The following MTUS2 variants were observed in gnomAD, a reference collection of about 807,000 sequenced individuals.
MTUS2 encodes microtubule-associated tumor suppressor candidate 2.
MTUS2 carries 40 observed loss-of-function variants against 114.1 expected under a neutral mutation model. The observed-to-expected ratio is 0.35, with a 90% CI of 0.27 to 0.46. The LOEUF (loss-of-function observed/expected upper bound fraction) is 0.46. Among genes scored for constraint, MTUS2 ranks in the 20% least tolerant of loss-of-function variants. The pLI, the probability that MTUS2 is intolerant of heterozygous loss-of-function variation, is 1.00. For missense variants in MTUS2, 1,679 were observed against 1,705.4 expected, an observed-to-expected ratio of 0.98 and a Z score of 0.27; for synonymous variants, 688 against 672.0, an observed-to-expected ratio of 1.02 and a Z score of -0.37.
chr13:29,213,756 G>T (rs1895553991), intron 5 of MTUS2, among the ~76,000 whole-genome samples: 1 of 151,896 alleles, frequency 6.6e-6, no homozygotes, highest in Non-Finnish European at 1.5e-5. Flanking sequence ...TATATAATTA[G>T]ATCTTATATT....
At position 29,200,616 on chromosome 13, in the gene MTUS2, G is replaced by A. The variant is rs868608004; in HGVS notation, c.2645-81088G>A. Among the ~76,000 whole-genome samples, 15 of 138,322 alleles carry A rather than the reference G, an allele frequency of 1.1e-4. 1 individual carries two copies. Among genetic ancestry groups the A allele is most frequent in the Admixed American group, 8.9e-4 (11 of 12,326 alleles). The allele number at this position is 138,322 out of a possible 152,430, so 90.7% of individuals were successfully genotyped here. ...GCTCACTGCACCCTCCATTTCCTGG[G>A]TTCAAGCGATTCTTCTGCCTTAGCC... On this transcript the variant is annotated intron_variant, in intron 5 of 15. Coordinates refer to ENST00000612955, the MANE Select transcript of MTUS2 (RefSeq NM_001033602.4).
intron 5 of MTUS2, among the ~76,000 whole-genome samples, chr13:29,138,944 C>G (rs1566028016): frequency 6.6e-6 from 1 of 151,946 alleles, no homozygotes; most frequent in African/African-American, 2.4e-5. Flanking sequence ...AGCACATCTC[C>G]CATCTGCTTT....
At chr13:28,926,801 A>G (rs1881352442) in intron 2 of MTUS2, among the ~76,000 whole-genome samples, 1 of 152,206 alleles carries the variant, frequency 6.6e-6, no homozygotes, top group Non-Finnish European at 1.5e-5. Flanking sequence ...AAAATTATAT[A>G]ATACAATTTG....
intron 2 of MTUS2, among the ~76,000 whole-genome samples, chr13:28,916,443 T>G (rs1232677719): frequency 6.6e-6 from 1 of 152,004 alleles, no homozygotes; most frequent in African/African-American, 2.4e-5. Context: ...GGAATATCTT[T>G]CCATTTTTTA....
At chr13:29,060,296 A>G (rs1271013025) in intron 4 of MTUS2, among the ~76,000 whole-genome samples, 1 of 151,724 alleles carries the variant, frequency 6.6e-6, no homozygotes, top group Non-Finnish European at 1.5e-5. Flanking sequence ...TTAGAAGCAT[A>G]GGGGTGGGGC....
At chr13:29,097,084 A>G (rs1227749865) in intron 4 of MTUS2, among the ~76,000 whole-genome samples, 1 of 152,142 alleles carries the variant, frequency 6.6e-6, no homozygotes, top group African/African-American at 2.4e-5. Context: ...CCAGGAAGAT[A>G]CTATAGTCCT....
intron 5 of MTUS2, among the ~76,000 whole-genome samples, chr13:29,146,465 G>A (rs1388923279): frequency 6.6e-6 from 1 of 150,980 alleles, no homozygotes; most frequent in Non-Finnish European, 1.5e-5. Context: ...TTATACAGAT[G>A]TTTAGAACAA....
Position 29,439,971 on chromosome 13 carries a change from T to C in MTUS2, c.3118-12T>C. 6.4e-7 allele frequency: 1 copy of C among 1,573,610 alleles called. No homozygotes were observed. Among genetic ancestry groups the C allele is most frequent in the Non-Finnish European group, 8.6e-7 (1 of 1,157,082 alleles). On this transcript the variant is annotated splice_polypyrimidine_tract_variant and intron_variant, in intron 8 of 15. Coordinates refer to ENST00000612955, the MANE Select transcript of MTUS2 (RefSeq NM_001033602.4). ...ACTAGGGGACTCTCGGTATCCGTTT[T>C]TGTTTTTTCAGAATGAAAGTGCCCT...
intron 5 of MTUS2, among the ~76,000 whole-genome samples, chr13:29,255,182 G>A (rs1023573484): frequency 2.9e-4 from 44 of 152,224 alleles, no homozygotes; most frequent in African/African-American, 1.0e-3. Flanking sequence ...GATGTAAGCA[G>A]AAGTGGCCAA....
chr13:29,400,826 T>G lies in MTUS2; in HGVS notation c.3118-39157T>G, dbSNP rs2138490755. On this transcript the variant is annotated intron_variant, in intron 8 of 15. Transcript: ENST00000612955. ...GTGAAAGTTATACTTGTTAAGAATG[T>G]CAAATCTTTGCACTATGCTATTCCT... is the stretch of plus-strand genomic sequence containing the variant. 1.3e-5 allele frequency among the ~76,000 whole-genome samples: 2 copies of G among 152,364 alleles called. 1 individual carries two copies. Among genetic ancestry groups the G allele is most frequent in the Middle Eastern group, 6.8e-3 (2 of 294 alleles).
chr13:28,922,775 G>A (rs962302536), intron 2 of MTUS2, among the ~76,000 whole-genome samples: 3 of 152,188 alleles, frequency 2.0e-5, no homozygotes, highest in Non-Finnish European at 4.4e-5. Context: ...GTGATATGAA[G>A]TTAAAACCAG....
In MTUS2 at chr13:29,480,233, G is replaced by A; in HGVS notation, c.3268G>A (p.Gly1090Ser). The A allele has an allele frequency of 1.3e-6, 2 of 1,554,120 alleles. No individual in the cohort carries two copies. The highest frequency in any genetic ancestry group is 1.7e-6 in the Non-Finnish European group (2 of 1,148,288). Residue 1090 changes from glycine to serine, a missense_variant, in exon 10 of 16, where the codon GGC (glycine) becomes AGC (serine). Gly to Ser is a moderately conservative substitution (Grantham distance 56). This residue lies in a region of MTUS2 where 822 missense variants were observed against 899.7 expected (regional missense o/e 0.91). Coordinates refer to ENST00000612955, the MANE Select transcript of MTUS2 (RefSeq NM_001033602.4). This position sits in a 1 kb window ranked among gnomAD's most constrained non-coding sequence, Gnocchi z 4.4. ...RRFEDEVKRLGWQQQAELQEL... is the reference protein window; with the variant it reads ...RRFEDEVKRLSWQQQAELQEL... ...GTTCGAGGACGAGGTGAAGAGGCTGGGCTGGCAGCAGCAGGCCGAGCTCCA... is the reference window on the plus strand; with the variant it reads ...GTTCGAGGACGAGGTGAAGAGGCTGAGCTGGCAGCAGCAGGCCGAGCTCCA...
intron 5 of MTUS2, chr13:29,239,379 A>G (rs1219422586): frequency 1.3e-5 from 2 of 152,150 alleles, no homozygotes; most frequent in Non-Finnish European, 1.5e-5. Context: ...CTGTGTTCCA[A>G]TTCCATTTAC....
At chr13:29,066,012 A>G (rs1039347856) in intron 4 of MTUS2, among the ~76,000 whole-genome samples, 20 of 151,754 alleles carry the variant, frequency 1.3e-4, no homozygotes, top group African/African-American at 4.6e-4. Context: ...ACTACGCATA[A>G]CCCACAGTGG....
At chr13:29,306,560 G>T (rs1899470016) in intron 6 of MTUS2, among the ~76,000 whole-genome samples, 1 of 152,110 alleles carries the variant, frequency 6.6e-6, no homozygotes, top group Non-Finnish European at 1.5e-5. Context: ...AGAATAAAAT[G>T]CCTAGAAATA....
In MTUS2 at chr13:29,501,978, T is replaced by A. The variant is rs571787536; in HGVS notation, c.3896+784T>A. ...TTTGCACACTCACACGTGCATGCTT[T>A]TCTTCACATGTACATGCTTATTCTC... On this transcript the variant is annotated intron_variant, in intron 15 of 15. Transcript: ENST00000612955. 7.6e-4 allele frequency among the ~76,000 whole-genome samples: 116 copies of A among 152,340 alleles called. 2 individuals are homozygous for A. In the South Asian group the frequency reaches 0.023, roughly 30 times the overall value.
chr13:29,483,304 G>A (rs553866839), intron 10 of MTUS2, among the ~76,000 whole-genome samples: 1 of 152,270 alleles, frequency 6.6e-6, no homozygotes, highest in African/African-American at 2.4e-5. Context: ...ATTGGGACTC[G>A]CCGGCCGAGG....
chr13:29,316,811 G>A (rs1309027921), intron 6 of MTUS2, among the ~76,000 whole-genome samples: 1 of 152,170 alleles, frequency 6.6e-6, no homozygotes, highest in Non-Finnish European at 1.5e-5. Flanking sequence ...GTCAGGTGAG[G>A]TAACATACAC....
intron 2 of MTUS2, among the ~76,000 whole-genome samples, chr13:28,906,177 C>T (rs1455014024): frequency 4.0e-5 from 6 of 151,272 alleles, no homozygotes; most frequent in Non-Finnish European, 8.8e-5. Flanking sequence ...AGCGGTCTAT[C>T]AATTTTGTTG....
Sources: gnomAD v4.1 joint callset for allele counts (sites outside exome capture counted in the v4.1 genomes callset) on GRCh38, gnomAD v4.1.1 for gene constraint, gnomAD v4.1.1 regional missense constraint, Gnocchi (gnomAD v3.1) non-coding constraint, MANE v1.5 for transcripts, NCBI Gene and HGNC (gene_info 2026-07-23, HGNC 2026-07-21) for gene names.